Variants in NRXN1 observed in about 807,000 individuals in gnomAD.
The protein encoded by NRXN1 is neurexin 1.
In NRXN1, 39 loss-of-function variants were observed where a neutral mutation model predicts 150.9. That is an observed-to-expected ratio of 0.26 (90% CI 0.20 to 0.34). The LOEUF (loss-of-function observed/expected upper bound fraction) is 0.34, where lower values mean the gene tolerates loss of function less well. NRXN1 is among the 10% of genes least tolerant of loss of function. NRXN1 has a pLI of 1.00. For synonymous variants in NRXN1, 924 were observed against 757.0 expected, an observed-to-expected ratio of 1.22 and a Z score of -3.62; for missense variants, 1,815 against 1,949.9, an observed-to-expected ratio of 0.93 and a Z score of 1.30.
intron 18 of NRXN1, among the ~76,000 whole-genome samples, chr2:50,184,848 A>G (rs1012538119): frequency 6.6e-6 from 1 of 152,114 alleles, no homozygotes; most frequent in African/African-American, 2.4e-5. Context: ...ACATTTTGCT[A>G]ACAGTGGAAC....
At chr2:50,699,898 T>C (rs1446537783) in intron 5 of NRXN1, among the ~76,000 whole-genome samples, 2 of 152,168 alleles carry the variant, frequency 1.3e-5, no homozygotes, top group African/African-American at 4.8e-5. Flanking sequence ...TCAATTCCAA[T>C]AGCCCTTGCA....
At chr2:50,298,656 T>A (rs1480755417) in intron 17 of NRXN1, among the ~76,000 whole-genome samples, 1 of 152,174 alleles carries the variant, frequency 6.6e-6, no homozygotes, top group East Asian at 1.9e-4. Flanking sequence ...AACAAATATT[T>A]TCCTATTGTG....
intron 8 of NRXN1, among the ~76,000 whole-genome samples, chr2:50,610,683 AC>A (rs1256442066): frequency 7.8e-6 from 1 of 127,760 alleles, no homozygotes; most frequent in Non-Finnish European, 1.7e-5. Context: ...ATATATCTGT[AC>A]AAAACAGAAT....
intron 17 of NRXN1, among the ~76,000 whole-genome samples, chr2:50,452,142 G>C (rs1212458615): frequency 2.0e-5 from 3 of 152,180 alleles, no homozygotes; most frequent in African/African-American, 7.2e-5. Flanking sequence ...TTTGCCCTGT[G>C]TCTCAGGATT....
intron 18 of NRXN1, among the ~76,000 whole-genome samples, chr2:50,227,890 A>T (rs2064554999): frequency 6.6e-6 from 1 of 152,124 alleles, no homozygotes; most frequent in South Asian, 2.1e-4. Flanking sequence ...AAATGTATTT[A>T]ATTTTAATTA....
At chr2:50,631,481 G>A (rs1682312069) in intron 5 of NRXN1, 1 of 156,982 alleles carries the variant, frequency 6.4e-6, no homozygotes, top group Non-Finnish European at 1.4e-5. Flanking sequence ...ATAACTAACT[G>A]AGGAAAAGTC....
intron 18 of NRXN1, among the ~76,000 whole-genome samples, chr2:50,157,480 C>T (rs1176835602): frequency 1.3e-5 from 2 of 152,092 alleles, no homozygotes; most frequent in African/African-American, 4.8e-5. Context: ...CATTATGCTA[C>T]TTGAGGGCAG....
At chr2:50,396,634 C>T (rs1359777885) in intron 17 of NRXN1, among the ~76,000 whole-genome samples, 2 of 152,002 alleles carry the variant, frequency 1.3e-5, no homozygotes, top group African/African-American at 4.8e-5. Context: ...TCTAGTGATT[C>T]CTAACCTACT....
chr2:50,292,032 GGTTACCACCCTTCAACTT>G (rs2072989428), intron 17 of NRXN1, among the ~76,000 whole-genome samples: 1 of 152,118 alleles, frequency 6.6e-6, no homozygotes, highest in Non-Finnish European at 1.5e-5. Flanking sequence ...CCATTCTGCA[GGTTACCACCCTTCAACTT>G]GAAATTCCTA....
intron 2 of NRXN1, among the ~76,000 whole-genome samples, chr2:51,007,884 G>A (rs1196318278): frequency 2.6e-5 from 4 of 151,676 alleles, no homozygotes; most frequent in Non-Finnish European, 4.4e-5. Context: ...AAAATATGAT[G>A]AAAAAGTCAT....
intron 5 of NRXN1, among the ~76,000 whole-genome samples, chr2:50,908,618 C>A (rs563464802): frequency 8.6e-5 from 13 of 151,194 alleles, no homozygotes; most frequent in South Asian, 2.1e-4. Flanking sequence ...TTTGAAAGAA[C>A]CAAAAAATAA....
intron 2 of NRXN1, among the ~76,000 whole-genome samples, chr2:50,935,155 A>G (rs1184082104): frequency 6.6e-6 from 1 of 152,166 alleles, no homozygotes; most frequent in Non-Finnish European, 1.5e-5. Context: ...CTTTCATCCT[A>G]CTATCTTATA....
intron 22 of NRXN1, among the ~76,000 whole-genome samples, chr2:49,924,284 C>A (rs766126551): frequency 2.8e-4 from 43 of 152,272 alleles, no homozygotes; most frequent in Non-Finnish European, 4.9e-4. Flanking sequence ...CTCACTTTTA[C>A]TCTGTCTGCC....
At chr2:50,582,102 G>A (rs190473810) in intron 8 of NRXN1, among the ~76,000 whole-genome samples, 2 of 152,290 alleles carry the variant, frequency 1.3e-5, no homozygotes, top group Non-Finnish European at 2.9e-5. Flanking sequence ...TAACCGGGAA[G>A]ATTTGGTTGA....
chr2:50,003,183 A>G (rs1439787165), intron 21 of NRXN1, among the ~76,000 whole-genome samples: 1 of 152,134 alleles, frequency 6.6e-6, no homozygotes, highest in Admixed American at 6.6e-5. Flanking sequence ...GGGTCCATAT[A>G]TACCACTTCT....
chr2:50,491,978 C>T (rs545680056), intron 15 of NRXN1, among the ~76,000 whole-genome samples: 22 of 152,264 alleles, frequency 1.4e-4, no homozygotes, highest in South Asian at 8.3e-4. Flanking sequence ...ACAGTAACTT[C>T]AGTTAAATCT....
At chr2:49,952,153 T>A (rs147352934) in intron 21 of NRXN1, among the ~76,000 whole-genome samples, 1 of 152,050 alleles carries the variant, frequency 6.6e-6, no homozygotes, top group Non-Finnish European at 1.5e-5. Flanking sequence ...TGTTTTTCTA[T>A]TATCCCAGAT....
At position 50,019,947 on chromosome 2, in the gene NRXN1, C is replaced by CAAAAAAAAAAAAAAA. The variant is rs1161865745; in HGVS notation, c.4128+33309_4128+33323dup. On this transcript the variant is annotated intron_variant, in intron 21 of 22. Coordinates refer to ENST00000401669, the MANE Select transcript of NRXN1 (RefSeq NM_001330078.2). ...TGGGTGACAAAGCAAGACTCCGTCT[C>CAAAAAAAAAAAAAAA]AAAAAAAAAAAAAAAAAAAAAAAAA... 3.7e-4 allele frequency among the ~76,000 whole-genome samples: 16 copies of CAAAAAAAAAAAAAAA among 43,362 alleles called. 1 individual carries two copies. Among genetic ancestry groups the CAAAAAAAAAAAAAAA allele is most frequent in the East Asian group, 9.5e-4 (1 of 1,056 alleles). The allele number at this position is 43,362 out of a possible 152,430, so 28.4% of individuals were successfully genotyped here. A position where few individuals can be genotyped will look rare whatever the true frequency, so the allele number is the denominator to read the frequency against.
chr2:50,972,310 C>T (rs1323770249), intron 2 of NRXN1, among the ~76,000 whole-genome samples: 2 of 151,936 alleles, frequency 1.3e-5, no homozygotes, highest in Non-Finnish European at 2.9e-5. Context: ...TTATGTTGGC[C>T]TGAAACTTGC....
Sources: gnomAD v4.1 joint callset for allele counts (sites outside exome capture counted in the v4.1 genomes callset) on GRCh38, gnomAD v4.1.1 for gene constraint, MANE v1.5 for transcripts, NCBI Gene and HGNC (gene_info 2026-07-23, HGNC 2026-07-21) for gene names.